The following PDE1A variants were observed in gnomAD, a reference collection of about 807,000 sequenced individuals.
The protein encoded by PDE1A is dual specificity calcium/calmodulin-dependent 3',5'-cyclic nucleotide phosphodiesterase 1A.
PDE1A carries 35 observed loss-of-function variants against 61.7 expected under a neutral mutation model. That is an observed-to-expected ratio of 0.57 (90% CI 0.43 to 0.75). The LOEUF (loss-of-function observed/expected upper bound fraction) is 0.75, where lower values mean the gene tolerates loss of function less well. Ranked by LOEUF, PDE1A falls within the 30% of genes least tolerant of loss-of-function variation. The pLI is 0.00. For synonymous variants in PDE1A, 232 were observed against 213.2 expected (o/e 1.09, Z -0.77); for missense variants, 597 against 630.6 (o/e 0.95, Z 0.57).
At chr2:182,695,395 G>A in the PDE1A span, among the ~76,000 whole-genome samples, 3 of 152,150 alleles carry the variant, frequency 2.0e-5, no homozygotes, top group East Asian at 5.8e-4. Context: ...GGTTCAGTGT[G>A]GACATGTCTG....
intron 2 of PDE1A, among the ~76,000 whole-genome samples, chr2:182,445,423 T>C (rs1446976702): frequency 6.6e-6 from 1 of 152,128 alleles, no homozygotes; most frequent in East Asian, 1.9e-4. Context: ...TCAAATGACA[T>C]TGTTTTGCTT....
chr2:182,635,674 ATC>A, the PDE1A span, among the ~76,000 whole-genome samples: 28 of 141,884 alleles, frequency 2.0e-4, no homozygotes, highest in Middle Eastern at 3.7e-3. Flanking sequence ...AAGAGTATCT[ATC>A]TCTCTCTCTC....
chr2:182,236,726 T>C (rs898909369), intron 3 of PDE1A, among the ~76,000 whole-genome samples: 1 of 152,198 alleles, frequency 6.6e-6, no homozygotes, highest in African/African-American at 2.4e-5. Flanking sequence ...GCCAATATCA[T>C]TGGTTCAAAA....
intron 1 of PDE1A, among the ~76,000 whole-genome samples, chr2:182,415,890 C>A (rs190007990): frequency 1.5e-4 from 23 of 152,288 alleles, no homozygotes; most frequent in Admixed American, 4.6e-4. Context: ...TCCTTGGCTA[C>A]TGAGAATGGG....
At chr2:182,460,414 C>T (rs1281117122) in intron 2 of PDE1A, among the ~76,000 whole-genome samples, 1 of 152,114 alleles carries the variant, frequency 6.6e-6, no homozygotes, top group Admixed American at 6.6e-5. Flanking sequence ...ATATGTAACA[C>T]ATTTTTAAGA....
intron 1 of PDE1A, among the ~76,000 whole-genome samples, chr2:182,361,824 C>G (rs1699529353): frequency 6.6e-6 from 1 of 151,972 alleles, no homozygotes. Flanking sequence ...GGCACTAACA[C>G]TGGTAACATA....
the PDE1A span, among the ~76,000 whole-genome samples, chr2:182,654,824 C>CT: frequency 1.4e-4 from 22 of 151,988 alleles, no homozygotes; most frequent in Admixed American, 1.0e-3. Flanking sequence ...GTTCACAACT[C>CT]TTTTTTTTCC....
intron 2 of PDE1A, among the ~76,000 whole-genome samples, chr2:182,512,301 G>A (rs1689851270): frequency 1.3e-5 from 2 of 152,118 alleles, no homozygotes. Flanking sequence ...CCTGGTCCCA[G>A]GCCCCAGTAT....
At chr2:182,671,481 C>T in the PDE1A span, among the ~76,000 whole-genome samples, 1 of 151,632 alleles carries the variant, frequency 6.6e-6, no homozygotes, top group Non-Finnish European at 1.5e-5. Flanking sequence ...AGCCACCACA[C>T]CCGGCCTGGA....
chr2:182,634,523 C>T, the PDE1A span, among the ~76,000 whole-genome samples: 5 of 152,076 alleles, frequency 3.3e-5, no homozygotes, highest in African/African-American at 9.7e-5. Flanking sequence ...CCTGCTTTGC[C>T]GAAAGAGGTT....
At chr2:182,683,593 C>T in the PDE1A span, among the ~76,000 whole-genome samples, 3 of 152,138 alleles carry the variant, frequency 2.0e-5, no homozygotes, top group South Asian at 6.2e-4. Context: ...CAAATACAAA[C>T]TACAGAAACA....
intron 2 of PDE1A, among the ~76,000 whole-genome samples, chr2:182,436,918 A>C (rs910977758): frequency 1.3e-5 from 2 of 152,010 alleles, no homozygotes; most frequent in Non-Finnish European, 2.9e-5. Context: ...TTTTAATAAC[A>C]GCCTTTAAAA....
chr2:182,527,353 TATATATATATATATATATATACAC>T (rs1559543484), upstream of PDE1A, among the ~76,000 whole-genome samples: 1 of 73,672 alleles, frequency 1.4e-5, no homozygotes, highest in Non-Finnish European at 2.4e-5. Flanking sequence ...TATATATATA[TATATATATATATATATATATACAC>T]ATATATATAT....
chr2:182,595,166 C>T, the PDE1A span, among the ~76,000 whole-genome samples: 1 of 152,006 alleles, frequency 6.6e-6, no homozygotes, highest in South Asian at 2.1e-4. Flanking sequence ...AGGGATTAGA[C>T]ATAATCAATT....
At chr2:182,438,753 A>G (rs1188325708) in intron 2 of PDE1A, among the ~76,000 whole-genome samples, 6 of 151,906 alleles carry the variant, frequency 3.9e-5, no homozygotes, top group African/African-American at 1.4e-4. Flanking sequence ...AATTATAGAG[A>G]CCAAATTATA....
chr2:182,354,355 G>A (rs550657715), intron 1 of PDE1A, among the ~76,000 whole-genome samples: 13 of 152,228 alleles, frequency 8.5e-5, no homozygotes, highest in Admixed American at 2.6e-4. Flanking sequence ...AGCGAGAACA[G>A]GGGCACATCC....
chr2:182,501,155 T>C (rs1278706826), intron 2 of PDE1A, among the ~76,000 whole-genome samples: 2 of 152,214 alleles, frequency 1.3e-5, no homozygotes, highest in East Asian at 3.8e-4. Flanking sequence ...CTACTGTGAA[T>C]AGAGGCACAA....
chr2:182,623,932 T>C, the PDE1A span, among the ~76,000 whole-genome samples: 1 of 152,046 alleles, frequency 6.6e-6, no homozygotes, highest in Non-Finnish European at 1.5e-5. Context: ...GAGACCATCC[T>C]GGCTAACACC....
At chr2:182,572,929 A>G in the PDE1A span, among the ~76,000 whole-genome samples, 1 of 152,066 alleles carries the variant, frequency 6.6e-6, no homozygotes, top group Non-Finnish European at 1.5e-5. Context: ...AGAGGAGACA[A>G]CAGTGCCCAA....
Sources: allele counts gnomAD v4.1 joint callset (sites outside exome capture counted in the v4.1 genomes callset), GRCh38; gene constraint gnomAD v4.1.1; transcripts MANE v1.5; gene names NCBI Gene and HGNC (gene_info 2026-07-23, HGNC 2026-07-21).